PRDM5: variants seen among roughly 807,000 people sequenced by gnomAD.
PRDM5 encodes PR domain zinc finger protein 5.
A neutral mutation model predicts 81.2 loss-of-function variants in PRDM5; 56 were observed. The observed-to-expected ratio is 0.69, with a 90% CI of 0.56 to 0.86. PRDM5 has a LOEUF of 0.86. Among genes scored for constraint, PRDM5 ranks in the 40% least tolerant of loss-of-function variants. PRDM5 has a pLI of 0.00. For synonymous variants in PRDM5, 267 were observed against 256.4 expected, an observed-to-expected ratio of 1.04 and a Z score of -0.39; for missense variants, 697 against 770.1, an observed-to-expected ratio of 0.91 and a Z score of 1.12.
In PRDM5 at chr4:120,821,355, AT is replaced by A. The variant is rs1285852993; in HGVS notation, c.301-11del. ...AAATGTTTTCTCCTTCCTGAAACAA[AT>A]TTTTTTAAATGCTGAACCATTCATT... On this transcript the variant is annotated splice_polypyrimidine_tract_variant and intron_variant, in intron 3 of 15. Transcript: ENST00000264808. 4 of 1,609,482 alleles carry A rather than the reference AT, an allele frequency of 2.5e-6. No individual in the cohort carries two copies. Among genetic ancestry groups the A allele is most frequent in the South Asian group, 1.1e-5 (1 of 90,986 alleles).
chr4:120,892,272 G>A (rs72680473), intron 2 of PRDM5, among the ~76,000 whole-genome samples: 20,425 of 151,936 alleles, frequency 0.13, 1,470 homozygotes, highest in South Asian at 0.2. Context: ...ACCTGCAGAC[G>A]AGAAAAATGT....
At chr4:120,799,569 G>A (rs1279700291) in intron 9 of PRDM5, 92 bp downstream of exon 9, 12 of 1,526,238 alleles carry the variant, frequency 7.9e-6, no homozygotes, top group East Asian at 2.4e-5. Flanking sequence ...CATAGCTAAG[G>A]CCCCTGATTA....
chr4:120,754,602 C>A lies in PRDM5; in HGVS notation c.1574G>T (p.Gly525Val). 4 of 1,602,528 alleles carry A rather than the reference C, an allele frequency of 2.5e-6. No homozygotes were observed. The highest frequency in any genetic ancestry group is 3.4e-6 in the Non-Finnish European group (4 of 1,169,670). Residue 525 changes from glycine to valine, a missense_variant, in exon 14 of 16, where the codon GGA becomes GTA. Coordinates refer to ENST00000264808, the MANE Select transcript of PRDM5 (RefSeq NM_018699.4). ...RPYQCPYCEK[G>V]FSKNDGLKMH... The stretch of plus-strand genomic sequence containing the variant: ...CTTCAGTCCATCATTTTTACTGAAT[C>A]CTTTTTCACAGTAAGGACATTGATA...
chr4:120,851,855 T>C (rs1236577351), intron 3 of PRDM5, among the ~76,000 whole-genome samples: 1 of 152,152 alleles, frequency 6.6e-6, no homozygotes, highest in African/African-American at 2.4e-5. Flanking sequence ...AATGACCACA[T>C]GTATATGAAG....
intron 3 of PRDM5, among the ~76,000 whole-genome samples, chr4:120,835,576 G>A (rs533217827): frequency 6.6e-6 from 1 of 152,088 alleles, no homozygotes; most frequent in African/African-American, 2.4e-5. Flanking sequence ...AAAAATGGGG[G>A]TTTCCCTGCA....
At chr4:120,745,996 C>A (rs1475292744) in intron 14 of PRDM5, among the ~76,000 whole-genome samples, 17 of 149,828 alleles carry the variant, frequency 1.1e-4, no homozygotes, top group Non-Finnish European at 2.4e-4. Flanking sequence ...GCCAAAAGAA[C>A]AAAGCTGGAG....
intron 10 of PRDM5, among the ~76,000 whole-genome samples, chr4:120,797,882 T>G (rs546508158): frequency 6.6e-6 from 1 of 152,190 alleles, no homozygotes; most frequent in African/African-American, 2.4e-5. Flanking sequence ...GTCAAAAATG[T>G]TCAGAGAAAT....
chr4:120,717,476 T>C (rs1737959547), intron 14 of PRDM5, among the ~76,000 whole-genome samples: 2 of 152,214 alleles, frequency 1.3e-5, no homozygotes, highest in African/African-American at 4.8e-5. Context: ...AAGAACAGTA[T>C]CTTCAAATGT....
At chr4:120,734,338 G>A (rs1740736859) in intron 14 of PRDM5, among the ~76,000 whole-genome samples, 1 of 151,616 alleles carries the variant, frequency 6.6e-6, no homozygotes, top group Non-Finnish European at 1.5e-5. Flanking sequence ...CATTAGACCA[G>A]AGATTCTTGA....
intron 14 of PRDM5, among the ~76,000 whole-genome samples, chr4:120,712,684 T>G (rs1447576803): frequency 6.6e-6 from 1 of 152,250 alleles, no homozygotes; most frequent in Non-Finnish European, 1.5e-5. Context: ...GTATCCACTT[T>G]TTGTGTGTGT....
chr4:120,901,918 G>C lies in PRDM5; in HGVS notation c.177+5556C>G, dbSNP rs78089351. 4.6e-5 allele frequency among the ~76,000 whole-genome samples: 7 copies of C among 152,316 alleles called. No individual in the cohort carries two copies. The East Asian group carries it at 1.3e-3, about 29-fold the overall frequency. On this transcript the variant is annotated intron_variant, in intron 2 of 15. Coordinates refer to ENST00000264808, the MANE Select transcript of PRDM5 (RefSeq NM_018699.4). The stretch of plus-strand genomic sequence containing the variant: ...ATCCACAGAAACGTTCAAAGACTAA[G>C]AGGCAAATGCAGACTCAGCATGAGT...
chr4:120,836,978 T>G (rs896006397), intron 3 of PRDM5, among the ~76,000 whole-genome samples: 1 of 151,994 alleles, frequency 6.6e-6, no homozygotes, highest in African/African-American at 2.4e-5. Flanking sequence ...TTATATAGAG[T>G]GAAAGTCAAA....
chr4:120,754,029 CA>C (rs771073070), intron 14 of PRDM5, among the ~76,000 whole-genome samples: 2 of 152,110 alleles, frequency 1.3e-5, no homozygotes, highest in Non-Finnish European at 2.9e-5. Flanking sequence ...AGCAAAGGAA[CA>C]AAGGGCACCC....
chr4:120,831,067 G>A (rs1398170577), intron 3 of PRDM5, among the ~76,000 whole-genome samples: 2 of 151,360 alleles, frequency 1.3e-5, no homozygotes, highest in Non-Finnish European at 1.5e-5. Flanking sequence ...AGTGGCTTTT[G>A]AAAAAAAATA....
chr4:120,827,626 T>A (rs141322072), intron 3 of PRDM5, among the ~76,000 whole-genome samples: 461 of 152,240 alleles, frequency 3.0e-3, no homozygotes, highest in Non-Finnish European at 5.8e-3. Context: ...ATCATCAGTA[T>A]CTCACCTCAC....
At chr4:120,800,224 G>A (rs1268867878) in intron 8 of PRDM5, among the ~76,000 whole-genome samples, 1 of 152,106 alleles carries the variant, frequency 6.6e-6, no homozygotes, top group Non-Finnish European at 1.5e-5. Context: ...CACAATAGAA[G>A]TTTCACATGA....
intron 14 of PRDM5, among the ~76,000 whole-genome samples, chr4:120,754,205 T>TA (rs3838230): frequency 0.24 from 36,336 of 152,122 alleles, 4,649 homozygotes; most frequent in South Asian, 0.39. Context: ...CAGACTCTAT[T>TA]AAAAAATGTT....
chr4:120,758,888 T>C (rs1745186532), intron 13 of PRDM5, among the ~76,000 whole-genome samples: 1 of 152,024 alleles, frequency 6.6e-6, no homozygotes, highest in Non-Finnish European at 1.5e-5. Context: ...CCTAAGTAGC[T>C]GGGACTACAG....
At chr4:120,728,866 T>C (rs1739832895) in intron 14 of PRDM5, among the ~76,000 whole-genome samples, 2 of 152,152 alleles carry the variant, frequency 1.3e-5, no homozygotes, top group Admixed American at 1.3e-4. Context: ...CTGAAAAATA[T>C]CCAAATGTGT....
Sources: allele counts gnomAD v4.1 joint callset (sites outside exome capture counted in the v4.1 genomes callset), GRCh38; gene constraint gnomAD v4.1.1; transcripts MANE v1.5; gene names NCBI Gene and HGNC (gene_info 2026-07-23, HGNC 2026-07-21).